RICTOR: variants seen among roughly 807,000 people sequenced by gnomAD.
The protein encoded by RICTOR is RPTOR independent companion of MTOR complex 2, also known as rapamycin-insensitive companion of mTOR.
Under a neutral mutation model 214.9 loss-of-function variants are expected in RICTOR, and 49 were observed. The ratio of observed to expected loss-of-function variants is 0.23; its 90% CI spans 0.18 to 0.29. The LOEUF (loss-of-function observed/expected upper bound fraction) is 0.29. RICTOR is among the 10% of genes least tolerant of loss of function. RICTOR has a pLI of 1.00. For missense variants in RICTOR, 1,625 were observed against 2,047.0 expected (o/e 0.79, Z 3.98); for synonymous variants, 717 against 711.3 (o/e 1.01, Z -0.13).
intron 2 of RICTOR, among the ~76,000 whole-genome samples, chr5:39,042,054 T>C (rs542675931): frequency 1.3e-4 from 20 of 151,920 alleles, no homozygotes; most frequent in East Asian, 9.7e-4. Context: ...TAGATTACCA[T>C]AGAAATACCA....
At chr5:38,990,762 TGA>T (rs1370283555) in intron 7 of RICTOR, among the ~76,000 whole-genome samples, 185 bp downstream of exon 7, 3 of 57,824 alleles carry the variant, frequency 5.2e-5, no homozygotes, top group South Asian at 6.0e-4. Flanking sequence ...ATGATATATA[TGA>T]GATATATGAT....
intron 2 of RICTOR, among the ~76,000 whole-genome samples, chr5:39,051,042 T>TACACACACACAC (rs111723153): frequency 6.9e-5 from 10 of 145,752 alleles, no homozygotes; most frequent in African/African-American, 2.6e-4. Context: ...TACATATATA[T>TACACACACACAC]ACACACACAC....
chr5:39,063,300 G>C (rs1758675084), intron 2 of RICTOR, among the ~76,000 whole-genome samples: 1 of 152,124 alleles, frequency 6.6e-6, no homozygotes, highest in Non-Finnish European at 1.5e-5. Flanking sequence ...TCTAAGGCCA[G>C]AAGAGCCTGT....
rs1366574618 is a variant in RICTOR at position 39,022,259 on chromosome 5, C to T, written c.98-1123G>A. Among the ~76,000 whole-genome samples, 6 of 152,082 alleles carry T rather than the reference C, an allele frequency of 3.9e-5. No individual in the cohort carries two copies. In the East Asian group the frequency reaches 5.8e-4, roughly 15 times the overall value. ...CAACTTAACAATGCATGTATTGGGACGTAACCTCATCAGTGAGCTGTGGAA... is the reference window on the plus strand; with the variant it reads ...CAACTTAACAATGCATGTATTGGGATGTAACCTCATCAGTGAGCTGTGGAA... On this transcript the variant is annotated intron_variant, in intron 2 of 37. Transcript: ENST00000357387.
intron 2 of RICTOR, among the ~76,000 whole-genome samples, chr5:39,052,812 C>T (rs769924972): frequency 1.3e-5 from 2 of 152,128 alleles, no homozygotes; most frequent in Non-Finnish European, 2.9e-5. Context: ...GATCTCTTAT[C>T]AGTTTCTTCT....
chr5:39,032,442 T>C (rs1756343036), intron 2 of RICTOR, among the ~76,000 whole-genome samples: 1 of 152,224 alleles, frequency 6.6e-6, no homozygotes, highest in Non-Finnish European at 1.5e-5. Flanking sequence ...GTTCCTAAAA[T>C]GTTAAGTTTA....
intron 3 of RICTOR, among the ~76,000 whole-genome samples, chr5:39,010,611 G>A (rs1375888031): frequency 1.3e-5 from 2 of 152,190 alleles, no homozygotes; most frequent in Non-Finnish European, 2.9e-5. Context: ...ATGAAGTCCA[G>A]GCTAAGATGG....
At chr5:39,048,404 A>G (rs757038667) in intron 2 of RICTOR, among the ~76,000 whole-genome samples, 3 of 152,158 alleles carry the variant, frequency 2.0e-5, no homozygotes, top group Non-Finnish European at 2.9e-5. Context: ...TATACTAACA[A>G]TATGTTTTAC....
intron 27 of RICTOR, chr5:38,954,556 C>T (rs1456724505): frequency 7.1e-6 from 3 of 420,870 alleles, no homozygotes; most frequent in Non-Finnish European, 1.3e-5. Flanking sequence ...AAAAGTCATA[C>T]ACAAGTCAGT....
chr5:38,975,089 A>G (rs1751101080), intron 10 of RICTOR, among the ~76,000 whole-genome samples: 1 of 152,208 alleles, frequency 6.6e-6, no homozygotes, highest in Admixed American at 6.5e-5. Context: ...TTTTTATTCC[A>G]TGGAAAGATA....
At chr5:39,024,337 T>C (rs370982381) in intron 2 of RICTOR, among the ~76,000 whole-genome samples, 3 of 152,162 alleles carry the variant, frequency 2.0e-5, no homozygotes, top group Non-Finnish European at 2.9e-5. Context: ...ATTTTGAAAG[T>C]TGAATGATCC....
intron 2 of RICTOR, among the ~76,000 whole-genome samples, chr5:39,044,285 A>T (rs986549547): frequency 2.0e-5 from 3 of 152,150 alleles, no homozygotes; most frequent in Non-Finnish European, 4.4e-5. Context: ...AAAAGCAAGA[A>T]CGAAAAAAAA....
At chr5:39,054,995 C>T (rs536889957) in intron 2 of RICTOR, among the ~76,000 whole-genome samples, 1 of 152,188 alleles carries the variant, frequency 6.6e-6, no homozygotes, top group African/African-American at 2.4e-5. Flanking sequence ...TAATCTTGCC[C>T]GTCTTGTAAC....
Position 38,958,807 on chromosome 5 carries a change from G to GT in RICTOR, c.2202dup (p.His735ThrfsTer9). On this transcript the variant is annotated frameshift_variant, in exon 23 of 38. Transcript: ENST00000357387. LOFTEE classifies it high-confidence loss of function. ...TTAGCTCTCAATAATACCCTTAAAT[G>GT]TTTTGTTGCATAGAGTCTGCAGGCC... 1 of 1,594,412 alleles carries GT rather than the reference G, an allele frequency of 6.3e-7. No homozygotes were observed. Among genetic ancestry groups the GT allele is most frequent in the Non-Finnish European group, 8.5e-7 (1 of 1,170,404 alleles).
chr5:39,050,199 A>AAT (rs35127418), intron 2 of RICTOR, among the ~76,000 whole-genome samples: 9,251 of 148,480 alleles, frequency 0.062, 447 homozygotes, highest in Admixed American at 0.15. Flanking sequence ...TAAATAAATA[A>AAT]ATATATATAT....
chr5:39,024,991 G>T (rs905924925), intron 2 of RICTOR, among the ~76,000 whole-genome samples: 2 of 152,156 alleles, frequency 1.3e-5, no homozygotes, highest in Non-Finnish European at 2.9e-5. Context: ...TAACATAGAA[G>T]TGGAAGAAAA....
At chr5:39,020,235 T>G (rs1353232769) in intron 3 of RICTOR, among the ~76,000 whole-genome samples, 2 of 152,194 alleles carry the variant, frequency 1.3e-5, no homozygotes, top group African/African-American at 4.8e-5. Context: ...GAAACTTAGT[T>G]GATGCAGCAG....
At chr5:38,966,581 T>C in intron 15 of RICTOR, 60 bp downstream of exon 15, 1 of 828,474 alleles carries the variant, frequency 1.2e-6, no homozygotes, top group South Asian at 1.5e-5. Flanking sequence ...TAAAATAACT[T>C]GTTTTATAAA....
intron 19 of RICTOR, 137 bp downstream of exon 19, chr5:38,962,178 T>C (rs1308132543): frequency 1.0e-5 from 4 of 393,586 alleles, no homozygotes; most frequent in Non-Finnish European, 1.9e-5. Context: ...ATTAAAAATA[T>C]ATATGAGTAC....
Sources: gnomAD v4.1 joint callset for allele counts (sites outside exome capture counted in the v4.1 genomes callset) on GRCh38, gnomAD v4.1.1 for gene constraint, MANE v1.5 for transcripts, NCBI Gene and HGNC (gene_info 2026-07-23, HGNC 2026-07-21) for gene names.